MTOR: variants seen among roughly 807,000 people sequenced by gnomAD.
The protein encoded by MTOR is mechanistic target of rapamycin kinase.
MTOR carries 70 observed loss-of-function variants against 319.8 expected under a neutral mutation model. That is an observed-to-expected ratio of 0.22 (90% CI 0.18 to 0.27). The LOEUF (loss-of-function observed/expected upper bound fraction) is 0.27. Among genes scored for constraint, MTOR ranks in the 10% least tolerant of loss-of-function variants. The pLI, the probability that MTOR is intolerant of heterozygous loss-of-function variation, is 1.00. For missense variants in MTOR, 1,890 were observed against 3,274.4 expected (o/e 0.58, Z 10.32); for synonymous variants, 1,183 against 1,211.4 (o/e 0.98, Z 0.49).
intron 26 of MTOR, among the ~76,000 whole-genome samples, chr1:11,202,070 T>A (rs1645988174): frequency 6.6e-6 from 1 of 152,056 alleles, no homozygotes; most frequent in South Asian, 2.1e-4. Context: ...CCTCCTAGAG[T>A]GCTGAGATTA....
rs780804863 is a variant in MTOR at position 11,247,992 on chromosome 1, G to C, written c.943C>G (p.Pro315Ala). 1.9e-6 allele frequency: 3 copies of C among 1,614,158 alleles called. No homozygotes were observed. Among genetic ancestry groups the C allele is most frequent in the East Asian group, 2.2e-5 (1 of 44,882 alleles). Residue 315 changes from proline (P) to alanine (A), a missense_variant, in exon 7 of 58, where the codon CCC (proline) becomes GCC (alanine). By Grantham distance (27) the Pro-to-Ala change is conservative. This residue lies in a region of MTOR where 418 missense variants were observed against 543.1 expected (regional missense o/e 0.77). Transcript: ENST00000361445. ...GFGTKPRHITPFTSFQAVQPQ... is the reference protein window; with the variant it reads ...GFGTKPRHITAFTSFQAVQPQ... Reference sequence around the variant, plus strand: ...TGTACAGCCTGGAAACTGGTGAAGGGGGTAATGTGACGAGGTTTTGTTCCG... The same window carrying C: ...TGTACAGCCTGGAAACTGGTGAAGGCGGTAATGTGACGAGGTTTTGTTCCG...
At chr1:11,141,460 C>G (rs1643700152) in intron 34 of MTOR, among the ~76,000 whole-genome samples, 1 of 152,036 alleles carries the variant, frequency 6.6e-6, no homozygotes, top group Non-Finnish European at 1.5e-5. Context: ...CCTCTGCCTC[C>G]AAGGTTCAAG....
Position 11,177,794 on chromosome 1 carries a change from G to A in MTOR, c.4254-10277C>T, listed in dbSNP as rs562185897. Among the ~76,000 whole-genome samples the A allele has an allele frequency of 1.0e-3, 152 of 152,132 alleles. 1 individual carries two copies. The highest frequency in any genetic ancestry group is 5.2e-3 in the South Asian group (25 of 4,814). On this transcript the variant is annotated intron_variant, in intron 28 of 57. Transcript: ENST00000361445. The stretch of plus-strand genomic sequence containing the variant: ...GAAGTGCGTGGGGGAATGGGGGCGC[G>A]TGTGCAAAAAAACTCATCTTTTCAA...
At chr1:11,190,042 C>T (rs888013542) in intron 28 of MTOR, 42 of 1,465,832 alleles carry the variant, frequency 2.9e-5, no homozygotes, top group Non-Finnish European at 3.8e-5. Context: ...AGAACCACTA[C>T]TGGGGCCTCT....
At chr1:11,162,743 T>C (rs1436710904) in intron 29 of MTOR, among the ~76,000 whole-genome samples, 1 of 152,164 alleles carries the variant, frequency 6.6e-6, no homozygotes. Context: ...CTGAGAGATT[T>C]TGTCACCACC....
chr1:11,177,859 A>C (rs1645036560), intron 28 of MTOR, among the ~76,000 whole-genome samples: 1 of 152,196 alleles, frequency 6.6e-6, no homozygotes, highest in South Asian at 2.1e-4. Context: ...AAAGAAAAAA[A>C]TGGAGGAGGG....
chr1:11,220,731 A>G (rs1213344595), intron 19 of MTOR, among the ~76,000 whole-genome samples: 1 of 152,214 alleles, frequency 6.6e-6, no homozygotes, highest in African/African-American at 2.4e-5. Context: ...GAGCTTCCAG[A>G]TGGGAACACA....
intron 29 of MTOR, among the ~76,000 whole-genome samples, chr1:11,167,109 C>T (rs868091053): frequency 1.4e-4 from 22 of 151,910 alleles, no homozygotes; most frequent in East Asian, 3.9e-4. Flanking sequence ...GTGTGGGGAG[C>T]GGGGAGGGAT....
chr1:11,208,946 T>C (rs1423887723), intron 25 of MTOR, among the ~76,000 whole-genome samples: 2 of 152,168 alleles, frequency 1.3e-5, no homozygotes, highest in African/African-American at 4.8e-5. Flanking sequence ...GTAAGCCCAA[T>C]GAGTTTGAGA....
intron 28 of MTOR, among the ~76,000 whole-genome samples, chr1:11,171,005 G>T (rs1422154577): frequency 6.6e-6 from 1 of 151,556 alleles, no homozygotes; most frequent in Admixed American, 6.6e-5. Flanking sequence ...GACCAGTCTG[G>T]CCAATCCAGT....
Position 11,106,719 on chromosome 1 carries a change from C to A in MTOR, c.*766G>T. The stretch of plus-strand genomic sequence containing the variant: ...CATGACAGTATTTCTGTTTTCTGAG[C>A]CCTTGCTCTAAACAGAGTATTTTGA... On this transcript the variant is annotated 3_prime_UTR_variant, in exon 58 of 58. Coordinates refer to ENST00000361445, the MANE Select transcript of MTOR (RefSeq NM_004958.4). 1 of 1,193,632 alleles carries A rather than the reference C, an allele frequency of 8.4e-7. No individual in the cohort carries two copies. Among genetic ancestry groups the A allele is most frequent in the East Asian group, 3.7e-5 (1 of 26,712 alleles). 73.9% of individuals were successfully genotyped at this position (1,193,632 alleles called of 1,614,324 possible). A position where few individuals can be genotyped will look rare whatever the true frequency, so the allele number is the denominator to read the frequency against.
At chr1:11,195,119 G>T (rs1303757096) in intron 28 of MTOR, 1 of 1,318,464 alleles carries the variant, frequency 7.6e-7, no homozygotes, top group African/African-American at 1.5e-5. Context: ...GAAAGGGTAG[G>T]ACTGAGAAAC....
At position 11,212,346 on chromosome 1, in the gene MTOR, G is replaced by A. The variant is rs557533784; in HGVS notation, c.3527C>T (p.Thr1176Met). 12 of 1,614,036 alleles carry A rather than the reference G, an allele frequency of 7.4e-6. No individual in the cohort carries two copies. The highest frequency in any genetic ancestry group is 2.2e-5 in the East Asian group (1 of 44,872). The change falls in exon 23 of 58, where the codon ACG (threonine) becomes ATG (methionine). Residue 1176 changes from threonine (T) to methionine (M), a missense_variant. Around this residue, in one of 15 missense-constraint regions of MTOR, gnomAD observed 115 missense variants for 105.7 expected, o/e 1.09. Coordinates refer to ENST00000361445, the MANE Select transcript of MTOR (RefSeq NM_004958.4). The surrounding 1 kb of genome is among the most constrained non-coding windows in gnomAD (Gnocchi z 4.1). ...SPELRSTAMDTLSSLVFQLGK... is the reference protein window; with the variant it reads ...SPELRSTAMDMLSSLVFQLGK... Reference sequence around the variant, plus strand: ...CAGCTGAAAAACAAGTGAAGACAGCGTGTCCATGGCTGTGGAGCGCAGTTC... The same window carrying A: ...CAGCTGAAAAACAAGTGAAGACAGCATGTCCATGGCTGTGGAGCGCAGTTC...
intron 19 of MTOR, among the ~76,000 whole-genome samples, chr1:11,221,283 C>T (rs1182086980): frequency 2.6e-5 from 4 of 152,072 alleles, no homozygotes; most frequent in Admixed American, 1.3e-4. Context: ...ATGTGAGCCA[C>T]CACGCTCAGC....
intron 26 of MTOR, among the ~76,000 whole-genome samples, chr1:11,200,770 C>T (rs1432864489): frequency 1.3e-5 from 2 of 152,140 alleles, no homozygotes; most frequent in African/African-American, 4.8e-5. Context: ...AATCCCAGTA[C>T]TTTGGGGGGC....
chr1:11,230,810 AC>A, intron 18 of MTOR, 114 bp downstream of exon 18: 1 of 1,412,532 alleles, frequency 7.1e-7, no homozygotes, highest in East Asian at 2.3e-5. Flanking sequence ...AAGTTGCTAC[AC>A]GAGCCAATAT....
chr1:11,171,615 A>AGGGAC (rs2100628939), intron 28 of MTOR, among the ~76,000 whole-genome samples: 1 of 152,290 alleles, frequency 6.6e-6, no homozygotes, highest in East Asian at 1.9e-4. Flanking sequence ...AGTAGTGATT[A>AGGGAC]GGGACCTCGA....
intron 46 of MTOR, among the ~76,000 whole-genome samples, chr1:11,126,376 C>A (rs985608547): frequency 6.6e-6 from 1 of 152,198 alleles, no homozygotes; most frequent in Non-Finnish European, 1.5e-5. Flanking sequence ...CTCTGCCTTG[C>A]ATGCCTTTGT....
intron 15 of MTOR, 88 bp downstream of exon 15, chr1:11,233,310 T>A (rs1557458989): frequency 7.2e-5 from 74 of 1,024,390 alleles, no homozygotes; most frequent in Non-Finnish European, 8.8e-5. Flanking sequence ...ACCTTTCATT[T>A]AAAAAAAAAA....
Sources: gnomAD v4.1 joint callset for allele counts (sites outside exome capture counted in the v4.1 genomes callset) on GRCh38, gnomAD v4.1.1 for gene constraint, gnomAD v4.1.1 regional missense constraint, Gnocchi (gnomAD v3.1) non-coding constraint, MANE v1.5 for transcripts, NCBI Gene and HGNC (gene_info 2026-07-23, HGNC 2026-07-21) for gene names.